Variants in CTNNA2 observed in about 807,000 individuals in gnomAD.
The protein encoded by CTNNA2 is catenin alpha 2.
A neutral mutation model predicts 101.0 loss-of-function variants in CTNNA2; 42 were observed. The observed-to-expected ratio is 0.42, with a 90% CI of 0.32 to 0.54. The LOEUF is 0.54. Among genes scored for constraint, CTNNA2 ranks in the 20% least tolerant of loss-of-function variants. The pLI, the probability that CTNNA2 is intolerant of heterozygous loss-of-function variation, is 0.14. For missense variants in CTNNA2, 871 were observed against 1,223.1 expected, an observed-to-expected ratio of 0.71 and a Z score of 4.29; for synonymous variants, 450 against 456.4, an observed-to-expected ratio of 0.99 and a Z score of 0.18.
Position 80,417,023 on chromosome 2 carries a change from C to T in CTNNA2, c.1138-2426C>T, listed in dbSNP as rs865929116. 3.3e-5 allele frequency among the ~76,000 whole-genome samples: 5 copies of T among 152,008 alleles called. No homozygotes were observed. In the South Asian group the frequency reaches 6.2e-4, roughly 19 times the overall value. ...TGCTGAAATGCAGTTTTTTCCCCCT[C>T]GTTTTTCTTTAGAATTCAGTCATTT... On this transcript the variant is annotated intron_variant, in intron 8 of 18. Coordinates refer to ENST00000402739, the MANE Select transcript of CTNNA2 (RefSeq NM_001282597.3).
chr2:79,606,683 A>C (rs1458437487), intron 1 of CTNNA2, among the ~76,000 whole-genome samples: 1 of 152,220 alleles, frequency 6.6e-6, no homozygotes, highest in Admixed American at 6.5e-5. Context: ...TCAGTGCCCT[A>C]TTTTAAGATT....
intron 7 of CTNNA2, among the ~76,000 whole-genome samples, chr2:80,197,437 T>C (rs1199510081): frequency 6.6e-6 from 1 of 152,234 alleles, no homozygotes; most frequent in Non-Finnish European, 1.5e-5. Context: ...CAGCATGAAT[T>C]ACCTCAAATC....
At chr2:80,146,242 A>C (rs565535217) in intron 7 of CTNNA2, among the ~76,000 whole-genome samples, 1 of 152,192 alleles carries the variant, frequency 6.6e-6, no homozygotes, top group Admixed American at 6.5e-5. Context: ...TAACACGTGG[A>C]GCATAGATTA....
At chr2:80,101,583 T>C (rs1700548947) in intron 7 of CTNNA2, among the ~76,000 whole-genome samples, 1 of 152,348 alleles carries the variant, frequency 6.6e-6, no homozygotes, top group African/African-American at 2.4e-5. Flanking sequence ...GGAAGAATCA[T>C]TGAAACAAAA....
At chr2:79,936,709 G>A (rs1210445645) in intron 7 of CTNNA2, among the ~76,000 whole-genome samples, 1 of 152,088 alleles carries the variant, frequency 6.6e-6, no homozygotes, top group Non-Finnish European at 1.5e-5. Flanking sequence ...TATTAGAGAA[G>A]TTTCACAGTC....
At chr2:80,560,041 G>A (rs1404448857) in intron 12 of CTNNA2, among the ~76,000 whole-genome samples, 1 of 107,574 alleles carries the variant, frequency 9.3e-6, no homozygotes, top group Non-Finnish European at 1.8e-5. Context: ...TTTCTTCAGA[G>A]GAAACAATAG....
At chr2:79,327,882 T>C (rs1023264866) in intron 3 of CTNNA2, among the ~76,000 whole-genome samples, 2 of 152,158 alleles carry the variant, frequency 1.3e-5, no homozygotes, top group Non-Finnish European at 2.9e-5. Context: ...GCCATCTCCT[T>C]GGAAAGACTC....
chr2:80,124,476 G>T (rs1702009907), intron 7 of CTNNA2, among the ~76,000 whole-genome samples: 1 of 152,036 alleles, frequency 6.6e-6, no homozygotes, highest in South Asian at 2.1e-4. Flanking sequence ...TAGCGGTCCG[G>T]GGTTCGCAAC....
chr2:80,273,265 G>T (rs926172809), intron 7 of CTNNA2, among the ~76,000 whole-genome samples: 13 of 152,074 alleles, frequency 8.5e-5, no homozygotes, highest in Non-Finnish European at 1.3e-4. Flanking sequence ...TCATGGAATC[G>T]ATTTTTCTTA....
intron 4 of CTNNA2, among the ~76,000 whole-genome samples, chr2:79,421,026 T>C (rs1678534892): frequency 6.6e-6 from 1 of 152,120 alleles, no homozygotes; most frequent in Non-Finnish European, 1.5e-5. Context: ...AAAAAGGAAA[T>C]GAGACACAAT....
intron 4 of CTNNA2, among the ~76,000 whole-genome samples, chr2:79,393,748 C>G (rs1678199703): frequency 6.6e-6 from 1 of 151,818 alleles, no homozygotes; most frequent in Admixed American, 6.6e-5. Context: ...AAATTCAGCT[C>G]ACCCCTATTC....
chr2:80,546,003 C>T lies in CTNNA2; in HGVS notation c.1480C>T (p.Arg494Ter), dbSNP rs778294237. 1 of 1,614,070 alleles carries T rather than the reference C, an allele frequency of 6.2e-7. No individual in the cohort carries two copies. Among genetic ancestry groups the T allele is most frequent in the Non-Finnish European group, 8.5e-7 (1 of 1,180,010 alleles). Residue 494 changes from arginine to a stop codon, truncating the protein, a stop_gained, in exon 11 of 19, where the codon CGA (arginine) becomes TGA (stop). Transcript: ENST00000402739. LOFTEE classifies it high-confidence loss of function. ...VFKDQWEKQVRVLTEAVDDIT... is the reference protein window; with the variant it reads ...VFKDQWEKQV ...CAAAGACCAGTGGGAGAAGCAGGTC[C>T]GAGTGTTGACAGAGGCCGTGGATGA...
chr2:80,198,146 A>G (rs1040209580), intron 7 of CTNNA2, among the ~76,000 whole-genome samples: 1 of 152,206 alleles, frequency 6.6e-6, no homozygotes, highest in South Asian at 2.1e-4. Flanking sequence ...ATAAACTCCA[A>G]TGGAGGAGGA....
intron 7 of CTNNA2, among the ~76,000 whole-genome samples, chr2:80,371,440 A>G (rs971703344): frequency 6.6e-6 from 1 of 152,190 alleles, no homozygotes; most frequent in Non-Finnish European, 1.5e-5. Flanking sequence ...TAGCATAGAC[A>G]AAGAAACCTG....
intron 2 of CTNNA2, among the ~76,000 whole-genome samples, chr2:79,204,114 C>T (rs896081550): frequency 1.3e-5 from 2 of 152,190 alleles, no homozygotes; most frequent in African/African-American, 4.8e-5. Flanking sequence ...AATATCAGAG[C>T]CATAAGGTGC....
At chr2:79,639,488 AATTT>A (rs60438988) in intron 1 of CTNNA2, among the ~76,000 whole-genome samples, 6,051 of 152,228 alleles carry the variant, frequency 0.04, 376 homozygotes, top group African/African-American at 0.14. Context: ...TTAACAGTAA[AATTT>A]ATTTATATAA....
At chr2:79,186,320 A>G (rs903663102) in intron 1 of CTNNA2, among the ~76,000 whole-genome samples, 2 of 152,208 alleles carry the variant, frequency 1.3e-5, no homozygotes, top group African/African-American at 2.4e-5. Flanking sequence ...TCTATAAACA[A>G]TCATTACTGG....
intron 7 of CTNNA2, among the ~76,000 whole-genome samples, chr2:80,208,983 C>T (rs921261986): frequency 1.3e-5 from 2 of 152,152 alleles, no homozygotes; most frequent in Non-Finnish European, 2.9e-5. Flanking sequence ...ACTGCTCCTT[C>T]AGTGGGATTT....
At chr2:80,240,091 G>A (rs2149089476) in intron 7 of CTNNA2, among the ~76,000 whole-genome samples, 1 of 152,272 alleles carries the variant, frequency 6.6e-6, no homozygotes, top group African/African-American at 2.4e-5. Flanking sequence ...TACCATATGG[G>A]CATCCTACAT....
Sources: allele counts gnomAD v4.1 joint callset (sites outside exome capture counted in the v4.1 genomes callset), GRCh38; gene constraint gnomAD v4.1.1; transcripts MANE v1.5; gene names NCBI Gene and HGNC (gene_info 2026-07-23, HGNC 2026-07-21).